APBA1: variants seen among roughly 807,000 people sequenced by gnomAD.
The protein encoded by APBA1 is amyloid beta precursor protein binding family A member 1, also known as amyloid-beta A4 precursor protein-binding family A member 1.
A neutral mutation model predicts 86.6 loss-of-function variants in APBA1; 55 were observed. That is an observed-to-expected ratio of 0.64 (90% CI 0.51 to 0.80). APBA1 has a LOEUF of 0.80. APBA1 is among the 30% of genes least tolerant of loss of function. APBA1 has a pLI of 0.00. For synonymous variants in APBA1, 511 were observed against 493.9 expected (o/e 1.03, Z -0.46); for missense variants, 1,090 against 1,183.0 (o/e 0.92, Z 1.15).
intron 1 of APBA1, among the ~76,000 whole-genome samples, chr9:69,596,969 G>T (rs541408303): frequency 4.9e-4 from 74 of 152,310 alleles, no homozygotes; most frequent in Non-Finnish European, 8.4e-4. Flanking sequence ...TTTAGTGGGG[G>T]TGCAAATCAA....
chr9:69,432,054 TAGG>T (rs1193521287), intron 12 of APBA1, among the ~76,000 whole-genome samples: 1 of 151,926 alleles, frequency 6.6e-6, no homozygotes, highest in Admixed American at 6.6e-5. Flanking sequence ...TGATGACTGA[TAGG>T]AGTGATGAAT....
At chr9:69,462,184 A>T (rs1835202178) in intron 5 of APBA1, 1 of 152,080 alleles carries the variant, frequency 6.6e-6, no homozygotes, top group Non-Finnish European at 1.5e-5. Flanking sequence ...AGACACAAAC[A>T]CCACACTCTG....
intron 2 of APBA1, among the ~76,000 whole-genome samples, chr9:69,513,805 G>C (rs1252003715): frequency 2.0e-5 from 3 of 152,186 alleles, no homozygotes; most frequent in Non-Finnish European, 2.9e-5. Flanking sequence ...GACCTGCGTA[G>C]CTCTTTATGT....
chr9:69,491,551 T>C (rs1242269482), intron 2 of APBA1, among the ~76,000 whole-genome samples: 1 of 151,360 alleles, frequency 6.6e-6, no homozygotes, highest in East Asian at 1.9e-4. Context: ...CATGTATACA[T>C]ATGTAACAAA....
intron 1 of APBA1, among the ~76,000 whole-genome samples, chr9:69,608,351 T>C (rs1386410537): frequency 6.6e-6 from 1 of 152,208 alleles, no homozygotes; most frequent in Non-Finnish European, 1.5e-5. Context: ...GGTTTACTAT[T>C]TATTTGATTG....
intron 4 of APBA1, among the ~76,000 whole-genome samples, chr9:69,469,823 A>G (rs982527334): frequency 1.2e-4 from 18 of 152,244 alleles, no homozygotes; most frequent in African/African-American, 4.3e-4. Context: ...TTATGGAAAC[A>G]TAATCATTAT....
In APBA1 at chr9:69,516,110, C is replaced by A; in HGVS notation, c.1101G>T (p.Ser367=). ...CTTTGGGCTCGTCGGGGGTGTAAGG[C>A]GAACGGATGGTCCTGGTTTTCACCT... ...IEEVKTRTIR[S]PYTPDEPKEP... The change falls in exon 2 of 13, where the codon TCG becomes TCT. Residue 367 remains serine, a synonymous_variant. Transcript: ENST00000265381. This position sits in a 1 kb window ranked among gnomAD's most constrained non-coding sequence, Gnocchi z 7.3. The A allele has an allele frequency of 6.2e-7, 1 of 1,613,668 alleles. No homozygotes were observed. Among genetic ancestry groups the A allele is most frequent in the Non-Finnish European group, 8.5e-7 (1 of 1,179,780 alleles).
At position 69,431,168 on chromosome 9, in the gene APBA1, C is replaced by G; in HGVS notation, c.*159G>C. The G allele has an allele frequency of 2.3e-6, 1 of 428,434 alleles. No individual in the cohort carries two copies. Among genetic ancestry groups the G allele is most frequent in the South Asian group, 5.1e-5 (1 of 19,798 alleles). 26.5% of individuals were successfully genotyped at this position (428,434 alleles called of 1,614,324 possible). On this transcript the variant is annotated 3_prime_UTR_variant, in exon 13 of 13. Transcript: ENST00000265381. ...AAAAAAAAAAAAAAAAAAAGCAAAT[C>G]GGAGAGAGTAAAGAGGTCCTTGTGG...
chr9:69,490,937 C>T lies in APBA1; in HGVS notation c.1201-14794G>A, dbSNP rs908652075. 1.7e-4 allele frequency among the ~76,000 whole-genome samples: 26 copies of T among 150,524 alleles called. 1 individual carries two copies. The highest frequency in any genetic ancestry group is 2.5e-4 in the Non-Finnish European group (17 of 68,006). On this transcript the variant is annotated intron_variant, in intron 2 of 12. Coordinates refer to ENST00000265381, the MANE Select transcript of APBA1 (RefSeq NM_001163.4). ...CTCACACCAGTTAGAATGGCGATCA[C>T]TAAAAAGTCAGGAAACAACAGGTGC...
chr9:69,458,287 G>A, intron 5 of APBA1, 99 bp from the exon 6 acceptor site: 2 of 1,044,092 alleles, frequency 1.9e-6, no homozygotes, highest in Non-Finnish European at 2.7e-6. Flanking sequence ...ACTGAATAGT[G>A]GCATAAAGCG....
rs540544828 is a variant in APBA1, at chr9:69,620,911, C to T, written c.-70+51242G>A. ...CGACAGTGAAGCTCCAGAAATGAAG[C>T]AGCAGCAGCAAGGCTTGGGTAGCAG... On this transcript the variant is annotated intron_variant, in intron 1 of 12. Transcript: ENST00000265381. 6.6e-5 allele frequency among the ~76,000 whole-genome samples: 10 copies of T among 152,290 alleles called. No individual in the cohort carries two copies. In the South Asian group the frequency reaches 2.1e-3, roughly 32 times the overall value.
At chr9:69,603,839 A>G (rs1822404367) in intron 1 of APBA1, among the ~76,000 whole-genome samples, 1 of 152,232 alleles carries the variant, frequency 6.6e-6, no homozygotes, top group Non-Finnish European at 1.5e-5. Flanking sequence ...ACAAATGGGA[A>G]TAGACGGACG....
chr9:69,471,396 T>A (rs1005336866), intron 4 of APBA1, among the ~76,000 whole-genome samples: 9 of 152,204 alleles, frequency 5.9e-5, no homozygotes, highest in South Asian at 2.1e-4. Flanking sequence ...CTAAGCTGCA[T>A]GACACTGGGT....
At chr9:69,455,099 A>G (rs906505087) in intron 8 of APBA1, among the ~76,000 whole-genome samples, 2 of 152,112 alleles carry the variant, frequency 1.3e-5, no homozygotes, top group Non-Finnish European at 2.9e-5. Context: ...GGCTGCTGAC[A>G]CCTAACTTCC....
chr9:69,484,149 C>A (rs1287334521), intron 2 of APBA1, among the ~76,000 whole-genome samples: 1 of 152,132 alleles, frequency 6.6e-6, no homozygotes, highest in East Asian at 1.9e-4. Context: ...ATCACACCTT[C>A]ATTAAAAACA....
chr9:69,523,475 A>G (rs1246180822), intron 1 of APBA1, among the ~76,000 whole-genome samples: 9 of 83,422 alleles, frequency 1.1e-4, no homozygotes, highest in African/African-American at 4.0e-4. Context: ...ATATATATAT[A>G]TGTATATATA....
chr9:69,562,585 G>C (rs1045181512), intron 1 of APBA1, among the ~76,000 whole-genome samples: 1 of 152,000 alleles, frequency 6.6e-6, no homozygotes, highest in Non-Finnish European at 1.5e-5. Flanking sequence ...ATGTTGGCCA[G>C]GCTGGTCTTG....
chr9:69,546,712 T>C (rs1836704107), intron 1 of APBA1, among the ~76,000 whole-genome samples: 1 of 152,182 alleles, frequency 6.6e-6, no homozygotes, highest in Non-Finnish European at 1.5e-5. Flanking sequence ...TTATAATATA[T>C]AACATTAGGG....
In APBA1 at chr9:69,490,528, C is replaced by G. The variant is rs1835691375; in HGVS notation, c.1201-14385G>C. On this transcript the variant is annotated intron_variant, in intron 2 of 12. Coordinates refer to ENST00000265381, the MANE Select transcript of APBA1 (RefSeq NM_001163.4). ...AGAAGATAACCTAGGCAATACCATTCAGGACATAGGCATGGGCAAATACTT... is the reference window on the plus strand; with the variant it reads ...AGAAGATAACCTAGGCAATACCATTGAGGACATAGGCATGGGCAAATACTT... Among the ~76,000 whole-genome samples the G allele has an allele frequency of 2.0e-5, 3 of 151,760 alleles. No individual in the cohort carries two copies. The South Asian group carries it at 6.3e-4, about 32-fold the overall frequency.
Sources: gnomAD v4.1 joint callset for allele counts (sites outside exome capture counted in the v4.1 genomes callset) on GRCh38, gnomAD v4.1.1 for gene constraint, Gnocchi (gnomAD v3.1) non-coding constraint, MANE v1.5 for transcripts, NCBI Gene and HGNC (gene_info 2026-07-23, HGNC 2026-07-21) for gene names.